Variants in KCTD2 observed in about 807,000 individuals in gnomAD.
KCTD2 encodes potassium channel tetramerization domain containing 2.
Under a neutral mutation model 27.9 loss-of-function variants are expected in KCTD2, and 18 were observed. The observed-to-expected ratio is 0.64, with a 90% CI of 0.45 to 0.96. KCTD2 has a LOEUF of 0.96. Among genes scored for constraint, KCTD2 ranks in the 40% least tolerant of loss-of-function variants. The pLI is 0.00. For missense variants in KCTD2, 280 were observed against 348.0 expected, an observed-to-expected ratio of 0.80 and a Z score of 1.56; for synonymous variants, 175 against 148.4, an observed-to-expected ratio of 1.18 and a Z score of -1.30.
intron 3 of KCTD2, among the ~76,000 whole-genome samples, chr17:75,058,244 T>G (rs928971857): frequency 6.6e-6 from 1 of 151,912 alleles, no homozygotes; most frequent in Non-Finnish European, 1.5e-5. Flanking sequence ...GGAGAATCGC[T>G]TGAACTCGGG....
At chr17:75,042,471 C>T, upstream of KCTD2, 1 of 1,588,512 alleles carries the variant, frequency 6.3e-7, no homozygotes, top group South Asian at 1.2e-5. Context: ...TTCCTTAATA[C>T]TGTTTTGTTT....
In KCTD2 at chr17:75,060,567, T is replaced by G; in HGVS notation, c.636+962T>G. On this transcript the variant is annotated intron_variant, in intron 4 of 5. Coordinates refer to ENST00000322444, the MANE Select transcript of KCTD2 (RefSeq NM_015353.3). ...CACTTCTGTGTTGTCCTGGTTGAAG[T>G]TGGCAAAGAGCAGCTGGCCGGCGCC... 4 of 1,612,920 alleles carry G rather than the reference T, an allele frequency of 2.5e-6. No homozygotes were observed. The South Asian group carries it at 3.3e-5, about 13-fold the overall frequency.
chr17:75,049,032 A>C (rs907115818), intron 1 of KCTD2, 188 bp from the exon 2 acceptor site: 7 of 503,120 alleles, frequency 1.4e-5, no homozygotes, highest in Non-Finnish European at 2.1e-5. Context: ...AAGATACATA[A>C]AGCTATAGCT....
rs556291970 is a variant in KCTD2 at position 75,034,776 on chromosome 17, T to C, written c.-384-456T>C. On this transcript the variant is annotated intron_variant, in intron 2 of 7. Coordinates refer to the KCTD2 transcript ENST00000581589. ...GGAGCATAGCTGGGAGGAATAGGGA[T>C]GGACGAGGGCGGAGGGAAGAACAAA... Among the ~76,000 whole-genome samples the C allele has an allele frequency of 1.7e-3, 261 of 151,942 alleles. 3 individuals carry two copies. The highest frequency in any genetic ancestry group is 5.8e-3 in the African/African-American group (242 of 41,410).
chr17:75,055,519 C>T (rs2073340387), intron 3 of KCTD2, among the ~76,000 whole-genome samples: 1 of 150,392 alleles, frequency 6.6e-6, no homozygotes, highest in Non-Finnish European at 1.5e-5. Flanking sequence ...AGTTCAAGAC[C>T]AGCCTGGCCA....
At chr17:75,036,135 G>A in intron 3 of KCTD2, 1 of 432,782 alleles carries the variant, frequency 2.3e-6, no homozygotes, top group South Asian at 1.6e-5. Flanking sequence ...CTCACTTCAA[G>A]CTCCACCTCC....
intron 2 of KCTD2, among the ~76,000 whole-genome samples, chr17:75,052,471 C>G (rs1185859114): frequency 1.3e-5 from 2 of 152,172 alleles, no homozygotes; most frequent in African/African-American, 4.8e-5. Flanking sequence ...CCTGTAATCC[C>G]AGAACTTTGG....
At chr17:75,039,390 G>T in intron 3 of KCTD2, 1 of 893,222 alleles carries the variant, frequency 1.1e-6, no homozygotes, top group Non-Finnish European at 1.8e-6. Flanking sequence ...GAGAAACTGT[G>T]GTTACCCTGA....
intron 2 of KCTD2, among the ~76,000 whole-genome samples, chr17:75,051,698 G>A (rs967989744): frequency 6.6e-6 from 1 of 150,866 alleles, no homozygotes; most frequent in Non-Finnish European, 1.5e-5. Flanking sequence ...AGAATAGATT[G>A]CAGATTTCAC....
At chr17:75,042,123 C>G in intron 3 of KCTD2, 1 of 1,463,280 alleles carries the variant, frequency 6.8e-7, no homozygotes, top group Non-Finnish European at 9.5e-7. Flanking sequence ...ATCCCTGTTC[C>G]TGCTCCCTAC....
At chr17:75,054,132 C>T (rs1037482375) in intron 3 of KCTD2, among the ~76,000 whole-genome samples, 1 of 151,850 alleles carries the variant, frequency 6.6e-6, no homozygotes, top group Non-Finnish European at 1.5e-5. Flanking sequence ...ATTTTCCTAC[C>T]TCAGCCTACC....
chr17:75,051,156 G>A (rs1008682479), intron 2 of KCTD2, among the ~76,000 whole-genome samples: 4 of 150,588 alleles, frequency 2.7e-5, no homozygotes. Flanking sequence ...TGTATTTTTA[G>A]TAGAGACAGG....
At chr17:75,033,752 G>C (rs2040085216) in intron 1 of KCTD2, among the ~76,000 whole-genome samples, 2 of 152,232 alleles carry the variant, frequency 1.3e-5, no homozygotes, top group South Asian at 4.1e-4. Context: ...ATGGGGGCAG[G>C]TCCCTGCGCA....
At chr17:75,043,158 T>C (rs776293251), upstream of KCTD2, among the ~76,000 whole-genome samples, 14 of 151,944 alleles carry the variant, frequency 9.2e-5, no homozygotes, top group Non-Finnish European at 1.6e-4. Flanking sequence ...GAGGCAGAGG[T>C]TGTAATGAGC....
chr17:75,056,677 A>G (rs2073353013), intron 3 of KCTD2, among the ~76,000 whole-genome samples: 2 of 152,210 alleles, frequency 1.3e-5, no homozygotes, highest in South Asian at 2.1e-4. Flanking sequence ...ATGTTATTCA[A>G]AGACACCCTC....
intron 3 of KCTD2, chr17:75,041,206 A>G (rs1247501327): frequency 6.6e-6 from 1 of 151,920 alleles, no homozygotes; most frequent in African/African-American, 2.4e-5. Context: ...CAAAAATACA[A>G]AAAATTAGCC....
At chr17:75,057,782 A>C (rs2144937628) in intron 3 of KCTD2, among the ~76,000 whole-genome samples, 1 of 150,532 alleles carries the variant, frequency 6.6e-6, no homozygotes, top group South Asian at 2.2e-4. Context: ...GCTGGTCTTG[A>C]ACTCCCAACC....
At chr17:75,040,315 C>T (rs899869768) in intron 3 of KCTD2, 26 of 814,516 alleles carry the variant, frequency 3.2e-5, no homozygotes, top group Middle Eastern at 7.2e-4. Flanking sequence ...CAAGCGGAAA[C>T]GAATACGCAT....
At chr17:75,056,952 C>CTTTTCT (rs1485891249) in intron 3 of KCTD2, among the ~76,000 whole-genome samples, 2 of 108,014 alleles carry the variant, frequency 1.9e-5, no homozygotes, top group African/African-American at 7.2e-5. Flanking sequence ...TTTCTTTTTT[C>CTTTTCT]TTTTTTTTTT....
Sources: gnomAD v4.1 joint callset for allele counts (sites outside exome capture counted in the v4.1 genomes callset) on GRCh38, gnomAD v4.1.1 for gene constraint, MANE v1.5 for transcripts, NCBI Gene and HGNC (gene_info 2026-07-23, HGNC 2026-07-21) for gene names.